STK32C: variants seen among roughly 807,000 people sequenced by gnomAD.
STK32C encodes the protein serine/threonine kinase 32C.
Under a neutral mutation model 56.5 loss-of-function variants are expected in STK32C, and 31 were observed. The observed-to-expected ratio is 0.55, with a 90% CI of 0.41 to 0.74. STK32C has a LOEUF of 0.74. Among genes scored for constraint, STK32C ranks in the 30% least tolerant of loss-of-function variants. STK32C has a pLI of 0.00. For synonymous variants in STK32C, 309 were observed against 289.4 expected (o/e 1.07, Z -0.69); for missense variants, 544 against 676.9 (o/e 0.80, Z 2.18).
Position 132,222,872 on chromosome 10 carries a change from AG to A in STK32C, c.1107del (p.Phe370SerfsTer19). 6.3e-7 allele frequency: 1 copy of A among 1,582,362 alleles called. No individual in the cohort carries two copies. ...GCCCACAGGCTTACGTTGGGCACGA[AG>A]CCCGGCTCCACCCTCTTCTCGCTCA... ...DHLSEKRVEP[G>X]FVPNKGRLHC... On this transcript the variant is annotated frameshift_variant, in exon 9 of 12. Coordinates refer to ENST00000298630, the MANE Select transcript of STK32C (RefSeq NM_173575.4). LOFTEE classifies it high-confidence loss of function.
chr10:132,307,928 C>T lies in STK32C; in HGVS notation c.-95G>A. On this transcript the variant is annotated 5_prime_UTR_variant, in exon 1 of 12. Transcript: ENST00000298630. The surrounding 1 kb of genome is among the most constrained non-coding windows in gnomAD (Gnocchi z 4.4). The stretch of plus-strand genomic sequence containing the variant: ...TGGTAGCGGGAGCGCTCGGGGCCGG[C>T]AGCGCCCGCCGTGCGCTCTTCTGGG... 1 of 1,075,204 alleles carries T rather than the reference C, an allele frequency of 9.3e-7. No individual in the cohort carries two copies. The highest frequency in any genetic ancestry group is 1.1e-6 in the Non-Finnish European group (1 of 887,902). 66.6% of individuals were successfully genotyped at this position (1,075,204 alleles called of 1,614,324 possible). A position where few individuals can be genotyped will look rare whatever the true frequency, so the allele number is the denominator to read the frequency against.
chr10:132,307,756 G>A lies in STK32C; in HGVS notation c.78C>T (p.Pro26=). Residue 26 remains proline (P), a synonymous_variant, in exon 1 of 12, where the codon CCC becomes CCT. Coordinates refer to ENST00000298630, the MANE Select transcript of STK32C (RefSeq NM_173575.4). The surrounding 1 kb of genome is among the most constrained non-coding windows in gnomAD (Gnocchi z 4.4). ...GGGCCGAGGGCGCGTCGGAGCCGGCGGGGCGCGCGCGGCCGGGGGGCGGCG... is the reference window on the plus strand; with the variant it reads ...GGGCCGAGGGCGCGTCGGAGCCGGCAGGGCGCGCGCGGCCGGGGGGCGGCG... ...PGSPPPGRAR[P]AGSDAPSALP... is the part of the protein sequence containing the mutation. 9.8e-7 allele frequency: 1 copy of A among 1,018,432 alleles called. No homozygotes were observed. Among genetic ancestry groups the A allele is most frequent in the Non-Finnish European group, 1.2e-6 (1 of 853,208 alleles). The allele number at this position is 1,018,432 out of a possible 1,614,324, so 63.1% of individuals were successfully genotyped here.
At chr10:132,275,451 G>A (rs1476681443) in intron 1 of STK32C, among the ~76,000 whole-genome samples, 2 of 152,214 alleles carry the variant, frequency 1.3e-5, no homozygotes, top group South Asian at 2.1e-4. Flanking sequence ...TGCCATGGAC[G>A]TAGGATGAGA....
intron 2 of STK32C, among the ~76,000 whole-genome samples, chr10:132,236,351 G>T (rs2063293767): frequency 6.6e-6 from 1 of 152,264 alleles, no homozygotes; most frequent in Non-Finnish European, 1.5e-5. Context: ...CTGTCATGAG[G>T]TTCGCAGAAG....
At chr10:132,276,203 T>A (rs1276597788) in intron 1 of STK32C, among the ~76,000 whole-genome samples, 2 of 152,148 alleles carry the variant, frequency 1.3e-5, no homozygotes, top group African/African-American at 4.8e-5. Context: ...GAAAACAGCA[T>A]GACCGCAGCA....
intron 10 of STK32C, among the ~76,000 whole-genome samples, chr10:132,209,523 G>C (rs2062221852): frequency 1.3e-5 from 2 of 152,248 alleles, no homozygotes; most frequent in South Asian, 4.1e-4. Context: ...GAGAATCCTG[G>C]AACCAGGGCT....
At chr10:132,230,815 C>T (rs1222171951) in intron 2 of STK32C, among the ~76,000 whole-genome samples, 1 of 152,226 alleles carries the variant, frequency 6.6e-6, no homozygotes, top group Non-Finnish European at 1.5e-5. Flanking sequence ...CCTGCCCAGG[C>T]GACCCAACCC....
intron 1 of STK32C, chr10:132,249,174 T>C (rs1449318275): frequency 3.6e-5 from 3 of 82,740 alleles, no homozygotes; most frequent in Admixed American, 1.8e-4. Context: ...GGCGGGGCTA[T>C]GGGGGTCAGG....
intron 2 of STK32C, among the ~76,000 whole-genome samples, chr10:132,242,156 C>G (rs895077213): frequency 2.0e-5 from 3 of 151,050 alleles, no homozygotes; most frequent in African/African-American, 7.3e-5. Flanking sequence ...CAGAACAGAA[C>G]GTTTCTTGCC....
chr10:132,210,073 A>G (rs560071112), intron 10 of STK32C, among the ~76,000 whole-genome samples: 52 of 152,306 alleles, frequency 3.4e-4, no homozygotes, highest in African/African-American at 1.2e-3. Flanking sequence ...ACCCAGTGTT[A>G]CCATCTTACG....
chr10:132,301,111 A>C (rs2065899235), intron 1 of STK32C, among the ~76,000 whole-genome samples: 1 of 151,948 alleles, frequency 6.6e-6, no homozygotes, highest in Admixed American at 6.6e-5. Flanking sequence ...ACGAGGTCCG[A>C]TTCAACTCCA....
chr10:132,332,195 T>G (rs941993061), upstream of STK32C: 4 of 155,992 alleles, frequency 2.6e-5, no homozygotes, highest in African/African-American at 7.2e-5. Context: ...TGGCCTCCAT[T>G]GTCGGGCTGC....
At position 132,315,694 on chromosome 10, in the gene STK32C, T is replaced by C. The variant is rs896312653; in HGVS notation, c.301+15742A>G. 5.3e-5 allele frequency among the ~76,000 whole-genome samples: 8 copies of C among 152,320 alleles called. No individual in the cohort carries two copies. The South Asian group carries it at 8.3e-4, about 16-fold the overall frequency. Reference sequence around the variant, plus strand: ...ACGCAATTACTAAGGATATAGAAGTTTGGGCAACACTCTTAAGCAAGTTGA... The same window carrying C: ...ACGCAATTACTAAGGATATAGAAGTCTGGGCAACACTCTTAAGCAAGTTGA... On this transcript the variant is annotated intron_variant, in intron 1 of 3. Coordinates refer to the STK32C transcript ENST00000368620.
intron 2 of STK32C, among the ~76,000 whole-genome samples, chr10:132,235,505 A>AG (rs1396631885): frequency 6.6e-6 from 1 of 151,220 alleles, no homozygotes; most frequent in East Asian, 1.9e-4. Flanking sequence ...AAAAAAAAAA[A>AG]AAAAAAAAAG....
intron 1 of STK32C, among the ~76,000 whole-genome samples, chr10:132,305,153 G>T (rs1052888846): frequency 3.3e-5 from 5 of 152,214 alleles, no homozygotes; most frequent in African/African-American, 1.2e-4. Flanking sequence ...AGTCAGAGAA[G>T]GGATAGAATG....
At chr10:132,209,208 T>C (rs1331067906) in intron 10 of STK32C, 107 bp from the exon 11 acceptor site, 5 of 1,037,046 alleles carry the variant, frequency 4.8e-6, no homozygotes, top group South Asian at 1.3e-5. Flanking sequence ...ACCTGTGGCT[T>C]TGGATGACGG....
At chr10:132,254,284 G>A (rs997013356) in intron 1 of STK32C, among the ~76,000 whole-genome samples, 22 of 150,610 alleles carry the variant, frequency 1.5e-4, no homozygotes, top group Admixed American at 1.2e-3. Context: ...ACTCCAGCCT[G>A]GGCAAAAAGG....
At chr10:132,246,041 C>G in intron 1 of STK32C, 86 bp from the exon 2 acceptor site, 1 of 1,302,768 alleles carries the variant, frequency 7.7e-7, no homozygotes, top group South Asian at 1.2e-5. Flanking sequence ...ATCCCCCACC[C>G]CGACACTGCC....
At chr10:132,297,134 C>T (rs1326581485) in intron 1 of STK32C, among the ~76,000 whole-genome samples, 1 of 152,234 alleles carries the variant, frequency 6.6e-6, no homozygotes, top group African/African-American at 2.4e-5. Flanking sequence ...AGGCCCCTTC[C>T]TTCCTGCGCC....
Sources: gnomAD v4.1 joint callset for allele counts (sites outside exome capture counted in the v4.1 genomes callset) on GRCh38, gnomAD v4.1.1 for gene constraint, Gnocchi (gnomAD v3.1) non-coding constraint, MANE v1.5 for transcripts, NCBI Gene and HGNC (gene_info 2026-07-23, HGNC 2026-07-21) for gene names.